ZNF91: variants seen among roughly 807,000 people sequenced by gnomAD.
ZNF91 encodes zinc finger protein 91 (HPF7, HTF10).
ZNF91 carries 7 observed loss-of-function variants against 12.6 expected under a neutral mutation model. The ratio of observed to expected loss-of-function variants is 0.55; its 90% CI spans 0.31 to 1.04. The LOEUF (loss-of-function observed/expected upper bound fraction) is 1.04. Ranked by LOEUF, ZNF91 falls within the 50% of genes least tolerant of loss-of-function variation. The pLI is 0.05. For synonymous variants in ZNF91, 453 were observed against 462.6 expected (o/e 0.98, Z 0.27); for missense variants, 1,217 against 1,385.4 (o/e 0.88, Z 1.93).
chr19:23,343,662 G>A (rs1489898557), intron 3 of ZNF91, among the ~76,000 whole-genome samples: 1 of 152,034 alleles, frequency 6.6e-6, no homozygotes, highest in Admixed American at 6.5e-5. Flanking sequence ...GGAGTACACA[G>A]ACAGGTAGAC....
At chr19:23,350,547 A>G (rs1164132635) in intron 3 of ZNF91, among the ~76,000 whole-genome samples, 1 of 152,192 alleles carries the variant, frequency 6.6e-6, no homozygotes, top group Non-Finnish European at 1.5e-5. Flanking sequence ...TGCCACCCCT[A>G]TGTCATGCCT....
intron 1 of ZNF91, among the ~76,000 whole-genome samples, chr19:23,382,431 G>A (rs1419109998): frequency 6.6e-6 from 1 of 152,094 alleles, no homozygotes; most frequent in Non-Finnish European, 1.5e-5. Context: ...CAATAATAGT[G>A]GGAGACTACA....
intron 1 of ZNF91, among the ~76,000 whole-genome samples, chr19:23,309,255 G>A (rs1201146642): frequency 2.0e-5 from 3 of 152,114 alleles, no homozygotes; most frequent in Admixed American, 6.6e-5. Flanking sequence ...CTGCCTGGGC[G>A]ATGACCACCA....
At chr19:23,366,358 AT>A (rs1969016847) in intron 3 of ZNF91, among the ~76,000 whole-genome samples, 1 of 152,250 alleles carries the variant, frequency 6.6e-6, no homozygotes, top group Non-Finnish European at 1.5e-5. Context: ...TCTATAGAAT[AT>A]TTAAAACAGA....
intron 3 of ZNF91, among the ~76,000 whole-genome samples, chr19:23,367,917 ATTG>A (rs1200940530): frequency 6.6e-6 from 1 of 151,952 alleles, no homozygotes; most frequent in Non-Finnish European, 1.5e-5. Context: ...CTGTTTTGTT[ATTG>A]TTGTTTTTTG....
At chr19:23,388,614 G>A (rs933470419) in intron 1 of ZNF91, among the ~76,000 whole-genome samples, 2 of 152,188 alleles carry the variant, frequency 1.3e-5, no homozygotes, top group African/African-American at 4.8e-5. Flanking sequence ...GCTCACGCCT[G>A]TAATCCCAGC....
At chr19:23,341,293 C>T (rs1320389609) in intron 3 of ZNF91, among the ~76,000 whole-genome samples, 1 of 152,082 alleles carries the variant, frequency 6.6e-6, no homozygotes, top group African/African-American at 2.4e-5. Flanking sequence ...TCATGACCTG[C>T]CCGCCTCTAC....
chr19:23,327,991 T>C (rs1450070989), intron 1 of ZNF91: 3 of 152,224 alleles, frequency 2.0e-5, no homozygotes, highest in Admixed American at 2.0e-4. Context: ...GTACAATTTT[T>C]TTCTATCGGA....
intron 3 of ZNF91, among the ~76,000 whole-genome samples, chr19:23,346,320 A>T (rs1440017337): frequency 6.6e-6 from 1 of 152,040 alleles, no homozygotes; most frequent in Non-Finnish European, 1.5e-5. Flanking sequence ...ACAATTCATC[A>T]CCAGGCTCCT....
In ZNF91 at chr19:23,361,450, A is replaced by G. The variant is rs12976573; in HGVS notation, c.1529T>C (p.Ile510Thr). The G allele has an allele frequency of 6.3e-7, 1 of 1,591,766 alleles. No individual in the cohort carries two copies. Among genetic ancestry groups the G allele is most frequent in the Non-Finnish European group, 8.6e-7 (1 of 1,169,130 alleles). ...GTAGGGTTTCTCTCCAGTATGAATT[A>G]TCTTATGTTTAGTAAGGGTTGAGGA... ...RQSSTLTKHK[I>T]IHTGEKPYKF... The change falls in exon 4 of 4, where the codon ATA (isoleucine) becomes ACA (threonine). Residue 510 changes from isoleucine (I) to threonine (T), a missense_variant. Physicochemically the swap from Ile to Thr is moderately conservative, Grantham distance 89 (BLOSUM62 -1). Transcript: ENST00000300619.
At chr19:23,336,015 G>A (rs12973857), downstream of ZNF91, among the ~76,000 whole-genome samples, 28,651 of 152,108 alleles carry the variant, frequency 0.19, 2,921 homozygotes, top group Non-Finnish European at 0.21. Flanking sequence ...TAATTGTAGG[G>A]AAACAAGAGC....
At chr19:23,376,948 A>G (rs1216143496) in intron 1 of ZNF91, among the ~76,000 whole-genome samples, 1 of 152,160 alleles carries the variant, frequency 6.6e-6, no homozygotes, top group Non-Finnish European at 1.5e-5. Flanking sequence ...ATTTGAGCAC[A>G]TGTTTACCTA....
chr19:23,320,533 A>T (rs1260871284), intron 1 of ZNF91, among the ~76,000 whole-genome samples: 1 of 152,178 alleles, frequency 6.6e-6, no homozygotes, highest in Non-Finnish European at 1.5e-5. Context: ...AGGAGGGAGA[A>T]AGTGAATAAA....
At chr19:23,378,269 A>G (rs1357885483) in intron 1 of ZNF91, among the ~76,000 whole-genome samples, 2 of 152,216 alleles carry the variant, frequency 1.3e-5, no homozygotes, top group Non-Finnish European at 2.9e-5. Context: ...TTCATTACCC[A>G]AAACTCTGAT....
chr19:23,360,888 T>A lies in ZNF91; in HGVS notation c.2091A>T (p.Arg697=), dbSNP rs1273320059. 6.2e-7 allele frequency: 1 copy of A among 1,612,878 alleles called. No homozygotes were observed. ...TTTTATGTTTAGTAAGGGTTGAGAG[T>A]CGCTTAAAAGTTTTGTCACATTCTT... ...KCKECDKTFK[R]LSTLTKHKII... is the part of the protein sequence containing the mutation. The change falls in exon 4 of 4, where the codon CGA becomes CGT. Residue 697 remains arginine (R), a synonymous_variant. Coordinates refer to ENST00000300619, the MANE Select transcript of ZNF91 (RefSeq NM_003430.4).
chr19:23,376,341 GA>G, intron 1 of ZNF91, among the ~76,000 whole-genome samples: 1 of 151,738 alleles, frequency 6.6e-6, no homozygotes, highest in Non-Finnish European at 1.5e-5. Context: ...CTGGTAGATA[GA>G]AAAGAAATAT....
chr19:23,372,831 G>A (rs190756797), intron 3 of ZNF91, among the ~76,000 whole-genome samples: 154 of 152,214 alleles, frequency 1.0e-3, no homozygotes, highest in African/African-American at 3.5e-3. Flanking sequence ...AAGTAACGTG[G>A]GAAAATCCTC....
In ZNF91 at chr19:23,360,317, C is replaced by A; in HGVS notation, c.2662G>T (p.Asp888Tyr). The change falls in exon 4 of 4, where the codon GAC (aspartate) becomes TAC (tyrosine). Residue 888 changes from aspartate (D) to tyrosine (Y), a missense_variant. Coordinates refer to ENST00000300619, the MANE Select transcript of ZNF91 (RefSeq NM_003430.4). ...KEKPSKSEEC[D>Y]KAFIWSSTLT... is the part of the protein sequence containing the mutation. ...GTTGAGGACCAGATAAATGCTTTGTCACATTCTTCACTCTTGGAAGGTTTC... is the reference window on the plus strand; with the variant it reads ...GTTGAGGACCAGATAAATGCTTTGTAACATTCTTCACTCTTGGAAGGTTTC... 6.2e-7 allele frequency: 1 copy of A among 1,613,896 alleles called. No individual in the cohort carries two copies. The highest frequency in any genetic ancestry group is 8.5e-7 in the Non-Finnish European group (1 of 1,179,938).
In ZNF91 at chr19:23,360,085, G is replaced by C. The variant is rs1345090862; in HGVS notation, c.2894C>G (p.Pro965Arg). ...THKIIHTGEK[P>R]YKCEECGKAF... Reference sequence around the variant, plus strand: ...TTTGCCACATTCTTCACATTTGTAGGGTTTCTCTCCAGTATGAATTATCTT... The same window carrying C: ...TTTGCCACATTCTTCACATTTGTAGCGTTTCTCTCCAGTATGAATTATCTT... The change falls in exon 4 of 4, where the codon CCC becomes CGC. Residue 965 changes from proline to arginine, a missense_variant. By Grantham distance (103) the Pro-to-Arg change is moderately radical. Transcript: ENST00000300619. The C allele has an allele frequency of 1.9e-6, 3 of 1,613,146 alleles. No individual in the cohort carries two copies. Among genetic ancestry groups the C allele is most frequent in the Non-Finnish European group, 2.5e-6 (3 of 1,179,938 alleles).
Sources: gnomAD v4.1 joint callset for allele counts (sites outside exome capture counted in the v4.1 genomes callset) on GRCh38, gnomAD v4.1.1 for gene constraint, MANE v1.5 for transcripts, NCBI Gene and HGNC (gene_info 2026-07-23, HGNC 2026-07-21) for gene names.